The following ARHGAP18 variants were observed in gnomAD, a reference collection of about 807,000 sequenced individuals.
ARHGAP18 encodes rho GTPase-activating protein 18.
Under a neutral mutation model 86.2 loss-of-function variants are expected in ARHGAP18, and 67 were observed. The ratio of observed to expected loss-of-function variants is 0.78; its 90% confidence interval spans 0.64 to 0.95. The LOEUF is 0.95. ARHGAP18 is among the 40% of genes least tolerant of loss of function. The pLI is 0.00. For missense variants in ARHGAP18, 691 were observed against 780.4 expected (o/e 0.89, Z 1.37); for synonymous variants, 283 against 280.4 (o/e 1.01, Z -0.09).
chr6:129,580,210 T>G, intron 13 of ARHGAP18, 79 bp from the exon 14 acceptor site: 2 of 1,268,844 alleles, frequency 1.6e-6, no homozygotes, highest in Non-Finnish European at 2.3e-6. Context: ...CTTGGGGAAT[T>G]CTGGCTGGTA....
In ARHGAP18 at chr6:129,625,589, ATATT is replaced by A. The variant is rs1255278471; in HGVS notation, c.786+3760_786+3763del. On this transcript the variant is annotated intron_variant, in intron 5 of 14. Coordinates refer to ENST00000368149, the MANE Select transcript of ARHGAP18 (RefSeq NM_033515.3). ...TATATCATTATACATTATATATTATATATTTATATATTATATATTATTATATATT... is the reference window on the plus strand; with the variant it reads ...TATATCATTATACATTATATATTATATATATATTATATATTATTATATATT... 3.3e-4 allele frequency among the ~76,000 whole-genome samples: 25 copies of A among 76,068 alleles called. 1 individual carries two copies. Among genetic ancestry groups the A allele is most frequent in the African/African-American group, 1.3e-3 (25 of 19,080 alleles). The allele number at this position is 76,068 out of a possible 152,430, so 49.9% of individuals were successfully genotyped here.
At chr6:129,667,956 C>A (rs1330166669) in intron 1 of ARHGAP18, among the ~76,000 whole-genome samples, 1 of 152,170 alleles carries the variant, frequency 6.6e-6, no homozygotes, top group African/African-American at 2.4e-5. Context: ...AAGACATGCA[C>A]ATCTATCAAA....
chr6:129,580,356 C>T (rs940624775), intron 13 of ARHGAP18, among the ~76,000 whole-genome samples: 3 of 152,090 alleles, frequency 2.0e-5, no homozygotes, highest in Non-Finnish European at 4.4e-5. Flanking sequence ...CATCTGAAGG[C>T]AAAGTAGTAA....
At position 129,634,031 on chromosome 6, in the gene ARHGAP18, G is replaced by T. The variant is rs765163760; in HGVS notation, c.616+11C>A. 3 of 1,604,134 alleles carry T rather than the reference G, an allele frequency of 1.9e-6. No individual in the cohort carries two copies. The highest frequency in any genetic ancestry group is 4.5e-5 in the East Asian group (2 of 44,756). On this transcript the variant is annotated intron_variant, in intron 4 of 14. Coordinates refer to ENST00000368149, the MANE Select transcript of ARHGAP18 (RefSeq NM_033515.3). Reference sequence around the variant, plus strand: ...GAAAAAAAAAAAAACAAGAGAACAGGTTCAACATACCATCTCTTCCTTGGT... The same window carrying T: ...GAAAAAAAAAAAAACAAGAGAACAGTTTCAACATACCATCTCTTCCTTGGT...
chr6:129,640,663 A>G (rs1488103719), intron 2 of ARHGAP18, among the ~76,000 whole-genome samples: 7 of 152,202 alleles, frequency 4.6e-5, no homozygotes, highest in African/African-American at 1.4e-4. Flanking sequence ...GTAGCCAAGG[A>G]AAAAAATCTT....
intron 1 of ARHGAP18, among the ~76,000 whole-genome samples, chr6:129,657,846 A>T (rs1773871311): frequency 6.6e-6 from 1 of 152,238 alleles, no homozygotes; most frequent in Non-Finnish European, 1.5e-5. Context: ...AGTATGCATG[A>T]CAGAAAAGAG....
At chr6:129,683,055 CTTTTTTTTTTTTTGTTTTTTT>C (rs1235362053) in intron 1 of ARHGAP18, among the ~76,000 whole-genome samples, 1 of 139,090 alleles carries the variant, frequency 7.2e-6, no homozygotes, top group Non-Finnish European at 1.6e-5. Context: ...TTTGTTTTTT[CTTTTTTTTTTTTTGTTTTTTT>C]TTTTGTTTTT....
intron 5 of ARHGAP18, among the ~76,000 whole-genome samples, chr6:129,619,591 C>A (rs1789183028): frequency 1.3e-5 from 1 of 77,598 alleles, no homozygotes; most frequent in Non-Finnish European, 2.6e-5. Context: ...GGAAGGGGAG[C>A]AGGGAAGGGG....
At chr6:129,624,111 T>C (rs190051934) in intron 5 of ARHGAP18, among the ~76,000 whole-genome samples, 19 of 152,334 alleles carry the variant, frequency 1.2e-4, no homozygotes, top group African/African-American at 4.6e-4. Flanking sequence ...AGATGAATTA[T>C]ATTTCATTCC....
chr6:129,700,275 AG>A (rs1774689737), intron 1 of ARHGAP18, among the ~76,000 whole-genome samples: 1 of 152,218 alleles, frequency 6.6e-6, no homozygotes, highest in South Asian at 2.1e-4. Context: ...TTGCTCTTTG[AG>A]GAACAGGTGC....
intron 5 of ARHGAP18, among the ~76,000 whole-genome samples, chr6:129,626,807 A>C (rs1789485169): frequency 6.6e-6 from 1 of 152,090 alleles, no homozygotes; most frequent in African/African-American, 2.4e-5. Flanking sequence ...CTTAGGATGA[A>C]GCAAACATGC....
rs114597684 is a variant in ARHGAP18, at chr6:129,598,281, T to C, written c.1713+935A>G. Among the ~76,000 whole-genome samples, 206 of 152,336 alleles carry C rather than the reference T, an allele frequency of 1.4e-3. 2 individuals carry two copies. The highest frequency in any genetic ancestry group is 4.6e-3 in the African/African-American group (193 of 41,590). ...ATTTAAAACTTGATTTAAAATGTTT[T>C]ACAATGCCAAGAAAGTATCATTTTT... On this transcript the variant is annotated intron_variant, in intron 12 of 14. Transcript: ENST00000368149.
At chr6:129,599,142 C>T (rs1028912595) in intron 12 of ARHGAP18, 74 bp downstream of exon 12, 1 of 1,251,422 alleles carries the variant, frequency 8.0e-7, no homozygotes, top group Non-Finnish European at 1.0e-6. Context: ...ACTATGAAAA[C>T]ATTAAATAAA....
chr6:129,618,661 C>T (rs1789145063), intron 6 of ARHGAP18, 26 bp downstream of exon 6: 3 of 1,563,004 alleles, frequency 1.9e-6, no homozygotes, highest in Non-Finnish European at 1.7e-6. Flanking sequence ...AGAAATAAAT[C>T]CAAGGGTTTA....
At chr6:129,637,415 C>T (rs886209478) in intron 3 of ARHGAP18, among the ~76,000 whole-genome samples, 1 of 152,182 alleles carries the variant, frequency 6.6e-6, no homozygotes, top group South Asian at 2.1e-4. Flanking sequence ...CTCTACCAGA[C>T]CCCACAGCTT....
At chr6:129,626,686 C>G (rs1483679798) in intron 5 of ARHGAP18, among the ~76,000 whole-genome samples, 2 of 151,304 alleles carry the variant, frequency 1.3e-5, no homozygotes, top group African/African-American at 4.9e-5. Context: ...CACACACACA[C>G]ACACACACAC....
intron 12 of ARHGAP18, among the ~76,000 whole-genome samples, chr6:129,589,593 ATCT>A (rs1283302530): frequency 6.6e-6 from 1 of 152,060 alleles, no homozygotes; most frequent in Non-Finnish European, 1.5e-5. Context: ...ACATTTTCTT[ATCT>A]TCTTCTGAGC....
At chr6:129,634,862 C>T (rs1037296399) in intron 3 of ARHGAP18, among the ~76,000 whole-genome samples, 5 of 149,834 alleles carry the variant, frequency 3.3e-5, no homozygotes, top group Non-Finnish European at 5.9e-5. Context: ...AGTACATGTC[C>T]CTAATAAAAC....
intron 12 of ARHGAP18, among the ~76,000 whole-genome samples, chr6:129,587,536 A>G (rs1325044630): frequency 2.0e-5 from 3 of 152,202 alleles, no homozygotes; most frequent in Non-Finnish European, 4.4e-5. Context: ...ATAGCTCCTC[A>G]TGGCTAGGGA....
Sources: gnomAD v4.1 joint callset for allele counts (sites outside exome capture counted in the v4.1 genomes callset) on GRCh38, gnomAD v4.1.1 for gene constraint, MANE v1.5 for transcripts, NCBI Gene and HGNC (gene_info 2026-07-23, HGNC 2026-07-21) for gene names.